The following LARGE1 variants were observed in gnomAD, a reference collection of about 807,000 sequenced individuals.
LARGE1 encodes the protein xylosyl- and glucuronyltransferase LARGE1.
Under a neutral mutation model 87.6 loss-of-function variants are expected in LARGE1, and 43 were observed. That is an observed-to-expected ratio of 0.49 (90% confidence interval 0.38 to 0.63). LARGE1 has a LOEUF of 0.63. Ranked by LOEUF, LARGE1 falls within the 30% of genes least tolerant of loss-of-function variation. The pLI is 0.00. For missense variants in LARGE1, 802 were observed against 1,000.2 expected (o/e 0.80, Z 2.67); for synonymous variants, 434 against 394.6 (o/e 1.10, Z -1.18).
intron 1 of LARGE1, among the ~76,000 whole-genome samples, chr22:33,787,182 A>G (rs898480762): frequency 2.6e-5 from 4 of 152,146 alleles, no homozygotes; most frequent in African/African-American, 9.7e-5. Flanking sequence ...TCAAGCAGGA[A>G]CTAGAAAAGA....
intron 7 of LARGE1, among the ~76,000 whole-genome samples, chr22:33,421,360 T>G (rs1369306025): frequency 6.6e-6 from 1 of 152,156 alleles, no homozygotes; most frequent in East Asian, 1.9e-4. Flanking sequence ...TATGAATTCT[T>G]TTTATCCTGA....
chr22:33,872,950 A>C (rs2064342522), intron 1 of LARGE1, among the ~76,000 whole-genome samples: 1 of 152,096 alleles, frequency 6.6e-6, no homozygotes, highest in Non-Finnish European at 1.5e-5. Flanking sequence ...CAGTGAACCG[A>C]GATTGCACCA....
chr22:33,376,206 A>G (rs2064987462), intron 9 of LARGE1, among the ~76,000 whole-genome samples: 2 of 152,350 alleles, frequency 1.3e-5, no homozygotes, highest in Admixed American at 1.3e-4. Flanking sequence ...AAAAATGCGG[A>G]CACGAGTTAT....
intron 2 of LARGE1, among the ~76,000 whole-genome samples, chr22:33,657,647 A>T (rs565508069): frequency 6.6e-6 from 1 of 152,120 alleles, no homozygotes; most frequent in African/African-American, 2.4e-5. Flanking sequence ...GTCCTAGAAC[A>T]TTGTGTGGGT....
At chr22:33,565,961 A>T (rs553671312) in intron 5 of LARGE1, among the ~76,000 whole-genome samples, 1 of 152,344 alleles carries the variant, frequency 6.6e-6, no homozygotes, top group Admixed American at 6.5e-5. Context: ...CCTAGCTGCC[A>T]TGGGGAGTTT....
chr22:33,390,445 A>G (rs9609776), intron 7 of LARGE1, among the ~76,000 whole-genome samples: 32,497 of 152,074 alleles, frequency 0.21, 4,649 homozygotes, highest in African/African-American at 0.4. Context: ...TTATCTTAGA[A>G]CATTAGAACT....
chr22:33,508,539 G>A (rs1383122779), intron 6 of LARGE1, among the ~76,000 whole-genome samples: 3 of 152,044 alleles, frequency 2.0e-5, no homozygotes, highest in South Asian at 4.1e-4. Flanking sequence ...TCTTTCTCGC[G>A]ACACTCTCAC....
intron 2 of LARGE1, among the ~76,000 whole-genome samples, chr22:33,744,955 G>A (rs1191630823): frequency 6.6e-6 from 1 of 152,160 alleles, no homozygotes; most frequent in Non-Finnish European, 1.5e-5. Flanking sequence ...GTGCCTCCCT[G>A]GGTGATGTGT....
At chr22:33,823,587 G>A (rs754520102) in intron 1 of LARGE1, among the ~76,000 whole-genome samples, 2 of 152,150 alleles carry the variant, frequency 1.3e-5, no homozygotes, top group African/African-American at 4.8e-5. Context: ...TAGGTCCGAC[G>A]ACATGATTTG....
chr22:33,115,003 G>A, the LARGE1 span, among the ~76,000 whole-genome samples: 33 of 152,098 alleles, frequency 2.2e-4, no homozygotes, highest in Non-Finnish European at 8.8e-5. Flanking sequence ...TCTATGTGAA[G>A]GGTCTTGGTG....
rs866194632 is a variant in LARGE1, at chr22:33,695,571, C to A, written c.107-44903G>T. 3.9e-5 allele frequency among the ~76,000 whole-genome samples: 6 copies of A among 152,150 alleles called. No homozygotes were observed. The South Asian group carries it at 6.2e-4, about 16-fold the overall frequency. The stretch of plus-strand genomic sequence containing the variant: ...CCTGTGATGTACCAAGACCCTCTTA[C>A]CATATTTGCTTCTATCATATTTATC... On this transcript the variant is annotated intron_variant, in intron 2 of 14. Transcript: ENST00000397394.
At chr22:33,352,215 G>A (rs553438751) in intron 9 of LARGE1, among the ~76,000 whole-genome samples, 14 of 152,060 alleles carry the variant, frequency 9.2e-5, no homozygotes, top group East Asian at 1.9e-4. Context: ...CAGTCTAATC[G>A]TGAGAAAGTA....
At chr22:33,914,341 G>T (rs8141936) in intron 1 of LARGE1, among the ~76,000 whole-genome samples, 2 of 152,118 alleles carry the variant, frequency 1.3e-5, no homozygotes, top group African/African-American at 4.8e-5. Context: ...GTAATCTCCC[G>T]TTCAGGCCAA....
chr22:33,335,328 C>T (rs1015053302), intron 10 of LARGE1, among the ~76,000 whole-genome samples: 18 of 151,994 alleles, frequency 1.2e-4, no homozygotes, highest in Non-Finnish European at 1.6e-4. Flanking sequence ...TCACTAGATG[C>T]GAAGGAGGGC....
intron 2 of LARGE1, among the ~76,000 whole-genome samples, chr22:33,715,482 C>G (rs955237629): frequency 1.3e-5 from 2 of 152,188 alleles, no homozygotes; most frequent in Non-Finnish European, 2.9e-5. Flanking sequence ...CTCATCCCCC[C>G]ACTGCATATG....
chr22:33,873,998 G>A (rs1251594303), intron 1 of LARGE1, among the ~76,000 whole-genome samples: 7 of 142,492 alleles, frequency 4.9e-5, no homozygotes, highest in Admixed American at 2.9e-4. Context: ...CCCCTCCTCC[G>A]TCTCTCTTCC....
intron 9 of LARGE1, among the ~76,000 whole-genome samples, chr22:33,340,756 T>C (rs1173629874): frequency 1.3e-5 from 2 of 151,836 alleles, no homozygotes; most frequent in African/African-American, 2.4e-5. Context: ...GTCCTCACAA[T>C]GACCCTAGCA....
chr22:33,226,781 T>C (rs1925759587), intron 11 of LARGE1, among the ~76,000 whole-genome samples: 1 of 151,824 alleles, frequency 6.6e-6, no homozygotes, highest in Non-Finnish European at 1.5e-5. Flanking sequence ...CCAGGCCGGA[T>C]TGCAGTGGCA....
At chr22:33,596,883 C>G (rs2078990568) in intron 5 of LARGE1, among the ~76,000 whole-genome samples, 1 of 152,192 alleles carries the variant, frequency 6.6e-6, no homozygotes, top group African/African-American at 2.4e-5. Context: ...CAGAAATACC[C>G]ATTTTGATAG....
Sources: gnomAD v4.1 joint callset for allele counts (sites outside exome capture counted in the v4.1 genomes callset) on GRCh38, gnomAD v4.1.1 for gene constraint, MANE v1.5 for transcripts, NCBI Gene and HGNC (gene_info 2026-07-23, HGNC 2026-07-21) for gene names.